NFAM1: variants seen among roughly 807,000 people sequenced by gnomAD.
NFAM1 encodes NFAT activation molecule 1.
NFAM1 carries 17 observed loss-of-function variants against 29.0 expected under a neutral mutation model. The observed-to-expected ratio is 0.59, with a 90% confidence interval of 0.40 to 0.88. The LOEUF (loss-of-function observed/expected upper bound fraction) is 0.88. Among genes scored for constraint, NFAM1 ranks in the 40% least tolerant of loss-of-function variants. The pLI is 0.00. For synonymous variants in NFAM1, 175 were observed against 147.2 expected, an observed-to-expected ratio of 1.19 and a Z score of -1.36; for missense variants, 324 against 344.6, an observed-to-expected ratio of 0.94 and a Z score of 0.47.
At chr22:42,407,802 C>T (rs62238259) in intron 3 of NFAM1, among the ~76,000 whole-genome samples, 4 of 151,886 alleles carry the variant, frequency 2.6e-5, no homozygotes, top group Admixed American at 6.6e-5. Flanking sequence ...CTGTTACCCA[C>T]GCTGATATTG....
At chr22:42,430,502 G>A (rs1229138164) in intron 1 of NFAM1, among the ~76,000 whole-genome samples, 5 of 144,058 alleles carry the variant, frequency 3.5e-5, no homozygotes, top group African/African-American at 1.3e-4. Flanking sequence ...AGAGGTTGCC[G>A]TGAACCAAGA....
chr22:42,434,408 C>T (rs1354875157), upstream of NFAM1, among the ~76,000 whole-genome samples: 1 of 152,188 alleles, frequency 6.6e-6, no homozygotes, highest in South Asian at 2.1e-4. Flanking sequence ...CCCAGGCAGG[C>T]CCTGGGCTGT....
chr22:42,406,062 T>C (rs1413266710), intron 3 of NFAM1, among the ~76,000 whole-genome samples: 2 of 121,172 alleles, frequency 1.7e-5, no homozygotes, highest in African/African-American at 5.8e-5. Context: ...GACCCAGGCC[T>C]GCCACTTGCT....
rs553446925 is a variant in NFAM1, at chr22:42,390,219, G to T, written c.664-3141C>A. On this transcript the variant is annotated intron_variant, in intron 4 of 5. Coordinates refer to ENST00000329021, the MANE Select transcript of NFAM1 (RefSeq NM_145912.8). ...GATCACATCCTGACGCCTCACATTTGCTACTGAGTGTCCCCACTTCCCTGT... is the reference window on the plus strand; with the variant it reads ...GATCACATCCTGACGCCTCACATTTTCTACTGAGTGTCCCCACTTCCCTGT... 2.4e-3 allele frequency among the ~76,000 whole-genome samples: 366 copies of T among 152,208 alleles called. 2 individuals are homozygous for T. The highest frequency in any genetic ancestry group is 4.5e-3 in the Non-Finnish European group (309 of 67,994).
chr22:42,417,159 C>T (rs1475007549), intron 1 of NFAM1, among the ~76,000 whole-genome samples: 3 of 152,328 alleles, frequency 2.0e-5, no homozygotes, highest in East Asian at 1.9e-4. Context: ...GCACCTCGCC[C>T]CTCACCCTCA....
In NFAM1 at chr22:42,419,338, G is replaced by A. The variant is rs550798728; in HGVS notation, c.122-7602C>T. ...TCCTGCCCTGCCTGAACCGGCAGGG[G>A]CTCCCTGCTGGAGGAGACCCAGGAA... is the stretch of plus-strand genomic sequence containing the variant. On this transcript the variant is annotated intron_variant, in intron 1 of 5. Transcript: ENST00000329021. This position sits in a 1 kb window ranked among gnomAD's most constrained non-coding sequence, Gnocchi z 4.5. Among the ~76,000 whole-genome samples the A allele has an allele frequency of 6.6e-6, 1 of 152,198 alleles. No homozygotes were observed. The highest frequency in any genetic ancestry group is 6.5e-5 in the Admixed American group (1 of 15,288).
At chr22:42,411,264 T>C in intron 2 of NFAM1, 143 bp downstream of exon 2, 1 of 640,956 alleles carries the variant, frequency 1.6e-6, no homozygotes, top group Non-Finnish European at 2.7e-6. Flanking sequence ...CCTCAGGTGA[T>C]CCACCCGCCT....
intron 4 of NFAM1, among the ~76,000 whole-genome samples, 183 bp from the exon 5 acceptor site, chr22:42,387,261 A>T (rs976433358): frequency 6.6e-6 from 1 of 151,988 alleles, no homozygotes; most frequent in Non-Finnish European, 1.5e-5. Context: ...CCCTGCCTGT[A>T]AAGGGCTGAC....
chr22:42,414,958 C>T (rs892596844), intron 1 of NFAM1, among the ~76,000 whole-genome samples: 2 of 152,180 alleles, frequency 1.3e-5, no homozygotes, highest in African/African-American at 4.8e-5. Flanking sequence ...TAAAAACAGA[C>T]GTCCGTTGTT....
intron 1 of NFAM1, among the ~76,000 whole-genome samples, chr22:42,429,333 G>A (rs1930721676): frequency 1.3e-5 from 2 of 152,190 alleles, no homozygotes; most frequent in African/African-American, 2.4e-5. Context: ...AATTCAAACT[G>A]GGCCGGGTGC....
chr22:42,432,205 A>C, intron 1 of NFAM1, 32 bp downstream of exon 1: 2 of 1,546,548 alleles, frequency 1.3e-6, no homozygotes, highest in Non-Finnish European at 1.8e-6. Context: ...CTGGAGCGAG[A>C]GAGTAGAGAG....
At chr22:42,415,280 T>A (rs1457483507) in intron 1 of NFAM1, among the ~76,000 whole-genome samples, 2 of 146,846 alleles carry the variant, frequency 1.4e-5, no homozygotes, top group Non-Finnish European at 3.0e-5. Context: ...ACACCTTCCT[T>A]TCTTTCTTTC....
intron 1 of NFAM1, among the ~76,000 whole-genome samples, chr22:42,428,946 A>G (rs1930711678): frequency 6.6e-6 from 1 of 152,208 alleles, no homozygotes; most frequent in African/African-American, 2.4e-5. Context: ...GGAAAAGCCA[A>G]GCCCCCAGCA....
At chr22:42,424,019 C>T (rs1930533389) in intron 1 of NFAM1, among the ~76,000 whole-genome samples, 1 of 152,148 alleles carries the variant, frequency 6.6e-6, no homozygotes, top group South Asian at 2.1e-4. Flanking sequence ...TGGTCTCAAA[C>T]TCCTGTTCAC....
intron 3 of NFAM1, among the ~76,000 whole-genome samples, chr22:42,401,080 G>T (rs892150746): frequency 5.9e-5 from 9 of 152,340 alleles, no homozygotes; most frequent in African/African-American, 2.2e-4. Flanking sequence ...GGCTCTGTCA[G>T]TGAGACTGAT....
chr22:42,432,142 A>G, intron 1 of NFAM1, 95 bp downstream of exon 1: 3 of 1,115,306 alleles, frequency 2.7e-6, no homozygotes, highest in Non-Finnish European at 4.0e-6. Flanking sequence ...ATCCCCAGAG[A>G]CAGGTCCCTG....
chr22:42,436,823 G>A (rs1393550204), upstream of NFAM1: 5 of 203,416 alleles, frequency 2.5e-5, no homozygotes, highest in Non-Finnish European at 4.4e-5. Flanking sequence ...AGACGCAGTG[G>A]AACAAGGGCT....
rs922689256 is a variant in NFAM1 at position 42,388,393 on chromosome 22, G to A, written c.664-1315C>T. 3.3e-5 allele frequency among the ~76,000 whole-genome samples: 5 copies of A among 152,356 alleles called. No individual in the cohort carries two copies. The highest frequency in any genetic ancestry group is 1.2e-4 in the African/African-American group (5 of 41,584). On this transcript the variant is annotated intron_variant, in intron 4 of 5. Coordinates refer to ENST00000329021, the MANE Select transcript of NFAM1 (RefSeq NM_145912.8). The surrounding 1 kb of genome is among the most constrained non-coding windows in gnomAD (Gnocchi z 4.1). ...TAATAAACTGCTGTTGAATGGTCAA[G>A]AGAAGCATGAGGCCTGCCCACCTCC...
chr22:42,402,019 C>T (rs920269455), intron 3 of NFAM1, among the ~76,000 whole-genome samples: 6 of 152,220 alleles, frequency 3.9e-5, no homozygotes, highest in South Asian at 2.1e-4. Context: ...CTAAGTCCCC[C>T]GCCTACAGGG....
Sources: allele counts gnomAD v4.1 joint callset (sites outside exome capture counted in the v4.1 genomes callset), GRCh38; gene constraint gnomAD v4.1.1; non-coding constraint Gnocchi (gnomAD v3.1); transcripts MANE v1.5; gene names NCBI Gene and HGNC (gene_info 2026-07-23, HGNC 2026-07-21).